Variants in COL20A1 observed in about 807,000 individuals in gnomAD.
The protein encoded by COL20A1 is collagen alpha-1(XX) chain.
A neutral mutation model predicts 152.9 loss-of-function variants in COL20A1; 164 were observed. The observed-to-expected ratio is 1.07, with a 90% CI of 0.94 to 1.22. The LOEUF (loss-of-function observed/expected upper bound fraction) is 1.22, where lower values mean the gene tolerates loss of function less well. COL20A1 is among the 50% of genes most tolerant of loss of function. The pLI is 0.00. For missense variants in COL20A1, 1,873 were observed against 1,744.8 expected (o/e 1.07, Z -1.31); for synonymous variants, 864 against 756.0 (o/e 1.14, Z -2.34).
At chr20:63,320,556 G>A (rs1472948941) in intron 25 of COL20A1, among the ~76,000 whole-genome samples, 188 bp downstream of exon 25, 1 of 152,194 alleles carries the variant, frequency 6.6e-6, no homozygotes, top group Non-Finnish European at 1.5e-5. Context: ...GAGAGTCCTG[G>A]AGGCCCTGGG....
intron 26 of COL20A1, among the ~76,000 whole-genome samples, chr20:63,321,451 T>C (rs538828137): frequency 6.6e-6 from 1 of 152,316 alleles, no homozygotes; most frequent in East Asian, 1.9e-4. Context: ...GAATCCAGTG[T>C]TTCTGAAGTG....
rs977498796 is a variant in COL20A1, at chr20:63,309,531, C to T, written c.1105+34C>T. ...CAGGGTCACCCGCACAGGCTGCAGC[C>T]CCCCCGGCTGCTTTGGGCAAAGGGT... On this transcript the variant is annotated intron_variant, in intron 9 of 35. Coordinates refer to ENST00000358894, the MANE Select transcript of COL20A1 (RefSeq NM_020882.4). The T allele has an allele frequency of 1.1e-5, 16 of 1,460,610 alleles. No individual in the cohort carries two copies. In the East Asian group the frequency reaches 2.3e-4, roughly 21 times the overall value. The allele number at this position is 1,460,610 out of a possible 1,614,324, so 90.5% of individuals were successfully genotyped here.
At chr20:63,308,493 G>A (rs1174385675) in intron 7 of COL20A1, 49 bp from the exon 8 acceptor site, 6 of 1,491,580 alleles carry the variant, frequency 4.0e-6, no homozygotes, top group Non-Finnish European at 5.4e-6. Context: ...CCGAGCACCA[G>A]GAGGGGATGC....
intron 10 of COL20A1, 66 bp downstream of exon 10, chr20:63,309,981 A>G: frequency 2.2e-6 from 3 of 1,389,730 alleles, no homozygotes; most frequent in Non-Finnish European, 2.9e-6. Flanking sequence ...TGATAAGCCA[A>G]AGGGAGGGCA....
intron 8 of COL20A1, 60 bp downstream of exon 8, chr20:63,308,766 C>A: frequency 1.4e-6 from 2 of 1,426,922 alleles, no homozygotes; most frequent in Non-Finnish European, 1.9e-6. Flanking sequence ...TTTAGGGTCG[C>A]AGCAGGGAGC....
intron 27 of COL20A1, among the ~76,000 whole-genome samples, chr20:63,323,591 G>T (rs1002463804): frequency 6.6e-6 from 1 of 152,138 alleles, no homozygotes; most frequent in South Asian, 2.1e-4. Flanking sequence ...ACCCCTGGTC[G>T]CCTGAGTCGT....
At chr20:63,307,201 G>A (rs1432260830) in intron 5 of COL20A1, among the ~76,000 whole-genome samples, 1 of 152,242 alleles carries the variant, frequency 6.6e-6, no homozygotes, top group Non-Finnish European at 1.5e-5. Flanking sequence ...TGCCTGGTTT[G>A]CACCTGGTGG....
rs1163943439 is a variant in COL20A1, at chr20:63,306,234, GACCACAC to G, written c.496+196_496+202del. On this transcript the variant is annotated intron_variant, in intron 5 of 35. Coordinates refer to ENST00000358894, the MANE Select transcript of COL20A1 (RefSeq NM_020882.4). This position sits in a 1 kb window ranked among gnomAD's most constrained non-coding sequence, Gnocchi z 6.9. ...GGCCGGGAAGTTCTTCCTCGTGTCT[GACCACAC>G]GGTCTCTGACCACGAGGCCGGGAAG... is the stretch of plus-strand genomic sequence containing the variant. Among the ~76,000 whole-genome samples the G allele has an allele frequency of 8.4e-6, 1 of 119,368 alleles. No homozygotes were observed. 78.3% of individuals were successfully genotyped at this position (119,368 alleles called of 152,430 possible).
rs140757079 is a variant in COL20A1 at position 63,307,130 on chromosome 20, C to T, written c.497-360C>T. ...GATGGCGGCTTTGCCTCCACAGCGC[C>T]GCGCTGCGGTGCTCACGGCGGCTCT... On this transcript the variant is annotated intron_variant, in intron 5 of 35. Coordinates refer to ENST00000358894, the MANE Select transcript of COL20A1 (RefSeq NM_020882.4). 1.9e-3 allele frequency among the ~76,000 whole-genome samples: 283 copies of T among 152,326 alleles called. 1 individual carries two copies. The highest frequency in any genetic ancestry group is 6.0e-3 in the African/African-American group (249 of 41,592).
rs1394837829 is a variant in COL20A1 at position 63,320,454 on chromosome 20, T to G, written c.3153+86T>G. On this transcript the variant is annotated intron_variant, in intron 25 of 35. Transcript: ENST00000358894. ...TCACAGTGCCTGGGGTCAGTTGGCC[T>G]GTCCAGATTGTCACCGTGCTGGGAG... 8 of 1,279,852 alleles carry G rather than the reference T, an allele frequency of 6.3e-6. No individual in the cohort carries two copies. The East Asian group carries it at 7.0e-5, about 11-fold the overall frequency. 79.3% of individuals were successfully genotyped at this position (1,279,852 alleles called of 1,614,324 possible).
chr20:63,320,268 G>A (rs1257835216), intron 24 of COL20A1, 23 bp from the exon 25 acceptor site: 18 of 1,607,560 alleles, frequency 1.1e-5, no homozygotes, highest in Non-Finnish European at 1.4e-5. Context: ...CCCCGGGGCT[G>A]AGCCGGCTCC....
chr20:63,324,419 A>G (rs562646152), intron 27 of COL20A1: 1 of 152,368 alleles, frequency 6.6e-6, no homozygotes, highest in East Asian at 1.9e-4. Context: ...TGCTTCTAGC[A>G]TTTGACCATT....
Position 63,308,102 on chromosome 20 carries a change from G to GCCTGTCCCTCCCTCTGT in COL20A1, c.775+16_775+17insTCCCTCCCTCTGTCCTG. The GCCTGTCCCTCCCTCTGT allele has an allele frequency of 6.2e-7, 1 of 1,611,652 alleles. No individual in the cohort carries two copies. The highest frequency in any genetic ancestry group is 1.7e-5 in the Admixed American group (1 of 59,964). ...GAACACGTTCACAGGTACGGCCCAG[G>GCCTGTCCCTCCCTCTGT]CCTGCCCCTCCCTCTGTCCTGAGGG... On this transcript the variant is annotated intron_variant, in intron 7 of 35. Coordinates refer to ENST00000358894, the MANE Select transcript of COL20A1 (RefSeq NM_020882.4).
In COL20A1 at chr20:63,319,052, C is replaced by A; in HGVS notation, c.2664-6C>A. ...CATGTGCCTCTCCCTCCCCCAACCC[C>A]CACAGTGACGTCTACCCAGCCCCCC... On this transcript the variant is annotated splice_polypyrimidine_tract_variant and splice_region_variant and intron_variant, in intron 21 of 35. Coordinates refer to ENST00000358894, the MANE Select transcript of COL20A1 (RefSeq NM_020882.4). The surrounding 1 kb of genome is among the most constrained non-coding windows in gnomAD (Gnocchi z 4.4). The A allele has an allele frequency of 6.2e-7, 1 of 1,603,086 alleles. No individual in the cohort carries two copies. Among genetic ancestry groups the A allele is most frequent in the Non-Finnish European group, 8.5e-7 (1 of 1,171,728 alleles).
At position 63,310,508 on chromosome 20, in the gene COL20A1, C is replaced by G. The variant is rs2067991753; in HGVS notation, c.1391C>G (p.Thr464Arg). 1 of 1,594,076 alleles carries G rather than the reference C, an allele frequency of 6.3e-7. No individual in the cohort carries two copies. ...VGEGLRGLVT[T>R]APLPPPRALT... ...GAAGGCCTGCGGGGCCTGGTGACCACAGGTAGGTGGGGCAGAGGCAGCGGC... is the reference window on the plus strand; with the variant it reads ...GAAGGCCTGCGGGGCCTGGTGACCAGAGGTAGGTGGGGCAGAGGCAGCGGC... Residue 464 changes from threonine to arginine, a missense_variant and splice_region_variant, in exon 11 of 36, where the codon ACA (threonine) becomes AGA (arginine). By Grantham distance (71) the Thr-to-Arg change is moderately conservative. Transcript: ENST00000358894.
chr20:63,297,279 T>G (rs561601912), intron 2 of COL20A1, among the ~76,000 whole-genome samples: 16 of 147,800 alleles, frequency 1.1e-4, no homozygotes, highest in African/African-American at 3.8e-4. Context: ...GGGACTTAGC[T>G]CAGGGGACCC....
chr20:63,323,656 C>A (rs1225424814), intron 27 of COL20A1, among the ~76,000 whole-genome samples: 1 of 152,190 alleles, frequency 6.6e-6, no homozygotes, highest in Non-Finnish European at 1.5e-5. Flanking sequence ...TCGTGCTGTC[C>A]TAAGGCCCCT....
chr20:63,313,684 C>A lies in COL20A1; in HGVS notation c.2210-59C>A. ...GGGGCTGGGCAGCTGGTCCTCTGGCCACCGGGTGCCTCCTTTCTGGAGGGG... is the reference window on the plus strand; with the variant it reads ...GGGGCTGGGCAGCTGGTCCTCTGGCAACCGGGTGCCTCCTTTCTGGAGGGG... On this transcript the variant is annotated intron_variant, in intron 17 of 35. Coordinates refer to ENST00000358894, the MANE Select transcript of COL20A1 (RefSeq NM_020882.4). The surrounding 1 kb of genome is among the most constrained non-coding windows in gnomAD (Gnocchi z 5.9). 2 of 1,478,184 alleles carry A rather than the reference C, an allele frequency of 1.4e-6. No homozygotes were observed. Among genetic ancestry groups the A allele is most frequent in the Non-Finnish European group, 1.8e-6 (2 of 1,114,334 alleles). 91.6% of individuals were successfully genotyped at this position (1,478,184 alleles called of 1,614,324 possible). A position where few individuals can be genotyped will look rare whatever the true frequency, so the allele number is the denominator to read the frequency against.
chr20:63,328,704 G>A (rs2123439497), intron 34 of COL20A1, among the ~76,000 whole-genome samples: 1 of 152,298 alleles, frequency 6.6e-6, no homozygotes, highest in South Asian at 2.1e-4. Context: ...GTCAGCCTCG[G>A]CCTGGCCTTC....
Sources: gnomAD v4.1 joint callset for allele counts (sites outside exome capture counted in the v4.1 genomes callset) on GRCh38, gnomAD v4.1.1 for gene constraint, Gnocchi (gnomAD v3.1) non-coding constraint, MANE v1.5 for transcripts, NCBI Gene and HGNC (gene_info 2026-07-23, HGNC 2026-07-21) for gene names.